The following RPH3A variants were observed in gnomAD, a reference collection of about 807,000 sequenced individuals.
RPH3A encodes the protein rabphilin-3A.
A neutral mutation model predicts 102.2 loss-of-function variants in RPH3A; 48 were observed. The ratio of observed to expected loss-of-function variants is 0.47; its 90% CI spans 0.37 to 0.60. The LOEUF (loss-of-function observed/expected upper bound fraction) is 0.60. Ranked by LOEUF, RPH3A falls within the 20% of genes least tolerant of loss-of-function variation. RPH3A has a pLI of 0.00. For missense variants in RPH3A, 781 were observed against 910.1 expected (o/e 0.86, Z 1.83); for synonymous variants, 310 against 324.3 (o/e 0.96, Z 0.47).
intron 1 of RPH3A, among the ~76,000 whole-genome samples, chr12:112,780,744 G>C (rs1025422021): frequency 6.6e-6 from 1 of 152,160 alleles, no homozygotes; most frequent in African/African-American, 2.4e-5. Context: ...CAGAACCTCT[G>C]CTTCCTTTCC....
intron 5 of RPH3A, among the ~76,000 whole-genome samples, chr12:112,864,707 G>A (rs1185960284): frequency 2.0e-5 from 3 of 152,204 alleles, no homozygotes; most frequent in Admixed American, 1.3e-4. Flanking sequence ...TCTCTATCCA[G>A]CCAAATTAGA....
intron 2 of RPH3A, among the ~76,000 whole-genome samples, chr12:112,813,033 A>T (rs1187707655): frequency 6.6e-6 from 1 of 152,184 alleles, no homozygotes; most frequent in Non-Finnish European, 1.5e-5. Context: ...AACTCATTTA[A>T]TCCTTTAACA....
At chr12:112,837,742 G>C (rs2042076564) in intron 4 of RPH3A, 8 of 456,006 alleles carry the variant, frequency 1.8e-5, no homozygotes, top group Non-Finnish European at 3.1e-5. Flanking sequence ...AACATCACCA[G>C]AGAGAAGTTC....
chr12:112,694,779 G>T (rs1039571572), intron 1 of RPH3A, among the ~76,000 whole-genome samples: 1 of 151,818 alleles, frequency 6.6e-6, no homozygotes, highest in African/African-American at 2.4e-5. Flanking sequence ...CAAGCTACTT[G>T]ATCTTTCTCA....
intron 2 of RPH3A, among the ~76,000 whole-genome samples, chr12:112,800,484 C>T (rs773173163): frequency 6.6e-6 from 1 of 152,002 alleles, no homozygotes; most frequent in Admixed American, 6.6e-5. Context: ...AGTCTGGGTT[C>T]GATTTTATTT....
At chr12:112,714,292 A>G (rs2891405) in intron 1 of RPH3A, among the ~76,000 whole-genome samples, 58,617 of 151,830 alleles carry the variant, frequency 0.39, 11,668 homozygotes, top group South Asian at 0.57. Context: ...AATGTCAAAG[A>G]AAATGGTTTA....
At chr12:112,733,172 C>T (rs1048316037) in intron 1 of RPH3A, among the ~76,000 whole-genome samples, 2 of 152,110 alleles carry the variant, frequency 1.3e-5, no homozygotes, top group East Asian at 3.9e-4. Flanking sequence ...GCTCCAAACA[C>T]ACCTGCACAG....
upstream of RPH3A, among the ~76,000 whole-genome samples, chr12:112,788,095 C>A (rs1592999281): frequency 6.6e-6 from 1 of 152,302 alleles, no homozygotes; most frequent in Middle Eastern, 3.4e-3. Context: ...GTTCTTTGAA[C>A]AAAGGGTTCT....
intron 1 of RPH3A, among the ~76,000 whole-genome samples, chr12:112,726,905 C>A (rs34560882): frequency 0.22 from 33,695 of 151,932 alleles, 4,619 homozygotes; most frequent in East Asian, 0.41. Context: ...TGCCTGTAAT[C>A]CCAGCTACTT....
intron 1 of RPH3A, among the ~76,000 whole-genome samples, chr12:112,678,289 GAAAGAAAGAAAGAA>G (rs1472697738): frequency 0.025 from 2,075 of 84,648 alleles, 268 homozygotes; most frequent in African/African-American, 0.057. Flanking sequence ...AAGAAAGAAA[GAAAGAAAGAAAGAA>G]AGAGAGAGAG....
intron 1 of RPH3A, among the ~76,000 whole-genome samples, chr12:112,760,011 G>A (rs1232460086): frequency 6.6e-6 from 1 of 152,250 alleles, no homozygotes; most frequent in Non-Finnish European, 1.5e-5. Context: ...TGTCTGGGCA[G>A]TGCGGATATT....
chr12:112,807,661 G>T (rs1036754519), intron 2 of RPH3A, among the ~76,000 whole-genome samples: 1 of 152,182 alleles, frequency 6.6e-6, no homozygotes, highest in African/African-American at 2.4e-5. Flanking sequence ...TTGGCACTTT[G>T]TAGGTGCTCA....
At chr12:112,813,438 T>C (rs2041615825) in intron 2 of RPH3A, 1 of 152,200 alleles carries the variant, frequency 6.6e-6, no homozygotes, top group Non-Finnish European at 1.5e-5. Flanking sequence ...GAGGGGGGAA[T>C]AGATAGAGGC....
intron 1 of RPH3A, among the ~76,000 whole-genome samples, chr12:112,656,423 C>T (rs1218385462): frequency 2.0e-5 from 3 of 152,202 alleles, no homozygotes; most frequent in African/African-American, 7.2e-5. Context: ...TGTAATTCTT[C>T]CAGAACTTAT....
intron 1 of RPH3A, among the ~76,000 whole-genome samples, chr12:112,627,931 G>T (rs370206864): frequency 2.0e-5 from 3 of 149,330 alleles, no homozygotes; most frequent in African/African-American, 7.4e-5. Context: ...CAATCAGGGC[G>T]GAAGGCAAAG....
At chr12:112,797,561 C>A (rs1435200796) in intron 2 of RPH3A, among the ~76,000 whole-genome samples, 1 of 152,044 alleles carries the variant, frequency 6.6e-6, no homozygotes, top group African/African-American at 2.4e-5. Flanking sequence ...TCCAAGGAGT[C>A]ACTTTTTGCT....
chr12:112,836,690 T>TA (rs899342917), intron 4 of RPH3A, among the ~76,000 whole-genome samples, 188 bp downstream of exon 4: 35 of 149,426 alleles, frequency 2.3e-4, no homozygotes, highest in Middle Eastern at 3.4e-3. Flanking sequence ...TTTATAAAAT[T>TA]AAAAAAAAAA....
intron 2 of RPH3A, among the ~76,000 whole-genome samples, chr12:112,821,782 C>T (rs947260839): frequency 6.6e-6 from 1 of 152,144 alleles, no homozygotes; most frequent in Admixed American, 6.6e-5. Flanking sequence ...AGGTATGTTC[C>T]ATGAGGACAA....
upstream of RPH3A, among the ~76,000 whole-genome samples, chr12:112,790,883 C>T (rs1208720054): frequency 1.3e-5 from 2 of 152,176 alleles, no homozygotes; most frequent in African/African-American, 2.4e-5. Flanking sequence ...TCTGTCCAAA[C>T]ATTTGTGTTT....
Sources: allele counts gnomAD v4.1 joint callset (sites outside exome capture counted in the v4.1 genomes callset), GRCh38; gene constraint gnomAD v4.1.1; transcripts MANE v1.5; gene names NCBI Gene and HGNC (gene_info 2026-07-23, HGNC 2026-07-21).